MCM3: variants seen among roughly 807,000 people sequenced by gnomAD.
The protein encoded by MCM3 is DNA replication licensing factor MCM3.
Under a neutral mutation model 91.3 loss-of-function variants are expected in MCM3, and 59 were observed. The ratio of observed to expected loss-of-function variants is 0.65; its 90% CI spans 0.52 to 0.80. The LOEUF (loss-of-function observed/expected upper bound fraction) is 0.80. Ranked by LOEUF, MCM3 falls within the 30% of genes least tolerant of loss-of-function variation. MCM3 has a pLI of 0.00. For synonymous variants in MCM3, 383 were observed against 379.6 expected (o/e 1.01, Z -0.10); for missense variants, 919 against 1,035.4 (o/e 0.89, Z 1.54).
At position 52,273,724 on chromosome 6, in the gene MCM3, C is replaced by A; in HGVS notation, c.1549+18G>T. Reference sequence around the variant, plus strand: ...AGCGCCTTTCCATTAGTTACTCTTACTATTCTTATGGCCTCACCATCGCCA... The same window carrying A: ...AGCGCCTTTCCATTAGTTACTCTTAATATTCTTATGGCCTCACCATCGCCA... On this transcript the variant is annotated intron_variant, in intron 10 of 16. Coordinates refer to ENST00000596288, the MANE Select transcript of MCM3 (RefSeq NM_002388.6). 6.3e-7 allele frequency: 1 copy of A among 1,595,184 alleles called. No homozygotes were observed. The highest frequency in any genetic ancestry group is 8.5e-7 in the Non-Finnish European group (1 of 1,169,756).
chr6:52,273,095 T>C, intron 11 of MCM3, 135 bp downstream of exon 11: 1 of 1,007,676 alleles, frequency 9.9e-7, no homozygotes, highest in Non-Finnish European at 1.5e-6. Context: ...AAGAAGAAAA[T>C]TAATCCACGT....
rs1421404202 is a variant in MCM3 at position 52,273,921 on chromosome 6, G to T, written c.1375-5C>A. 8 of 1,602,138 alleles carry T rather than the reference G, an allele frequency of 5.0e-6. No individual in the cohort carries two copies. Among genetic ancestry groups the T allele is most frequent in the Non-Finnish European group, 6.8e-6 (8 of 1,172,566 alleles). ...TGGAGTCTTATACTGGTCATACTGGGGAATGCGAGGACAACAGAAGTGGAC... is the reference window on the plus strand; with the variant it reads ...TGGAGTCTTATACTGGTCATACTGGTGAATGCGAGGACAACAGAAGTGGAC... On this transcript the variant is annotated splice_region_variant and splice_polypyrimidine_tract_variant and intron_variant, in intron 9 of 16. Transcript: ENST00000596288.
chr6:52,277,610 A>G lies in MCM3; in HGVS notation c.958T>C (p.Leu320=). 1.2e-6 allele frequency: 2 copies of G among 1,614,056 alleles called. No homozygotes were observed. Among genetic ancestry groups the G allele is most frequent in the Non-Finnish European group, 1.7e-6 (2 of 1,180,002 alleles). The change falls in exon 7 of 17, where the codon TTG becomes CTG. Residue 320 remains leucine (L), a synonymous_variant. Transcript: ENST00000596288. ...HDYVKKAILC[L]LLGGVERDLE... is the part of the protein sequence containing the mutation. ...TCTCGTTCCACCCCTCCCAAGAGCAAGCAGAGGATTGCTTTCTTGACATAG... is the reference window on the plus strand; with the variant it reads ...TCTCGTTCCACCCCTCCCAAGAGCAGGCAGAGGATTGCTTTCTTGACATAG...
intron 13 of MCM3, 129 bp from the exon 14 acceptor site, chr6:52,268,097 C>A (rs1764793661): frequency 1.6e-6 from 2 of 1,269,750 alleles, no homozygotes; most frequent in Middle Eastern, 2.2e-4. Flanking sequence ...TACCTAGCTC[C>A]TCTTGTCCCT....
At position 52,267,880 on chromosome 6, in the gene MCM3, TC is replaced by T; in HGVS notation, c.2056del (p.Glu686SerfsTer54). 1 of 1,203,642 alleles carries T rather than the reference TC, an allele frequency of 8.3e-7. No homozygotes were observed. Among genetic ancestry groups the T allele is most frequent in the Non-Finnish European group, 1.2e-6 (1 of 818,046 alleles). 74.6% of individuals were successfully genotyped at this position (1,203,642 alleles called of 1,614,324 possible). A position where few individuals can be genotyped will look rare whatever the true frequency, so the allele number is the denominator to read the frequency against. The stretch of plus-strand genomic sequence containing the variant: ...CCCACCTTACCTCTTCCTCTTCTGC[TC>T]CTGGTCCTCTTGGCTTTTCTCCTCT... Reference protein sequence around the residue: ...DEEEKSQEDQEQKRKRRKTRQ... With the variant: ...DEEEKSQEDQXQKRKRRKTRQ... On this transcript the variant is annotated frameshift_variant, in exon 14 of 17. Coordinates refer to ENST00000596288, the MANE Select transcript of MCM3 (RefSeq NM_002388.6). LOFTEE classifies it high-confidence loss of function.
chr6:52,282,929 C>G (rs1483825874), intron 2 of MCM3, 68 bp from the exon 3 acceptor site: 1 of 1,105,220 alleles, frequency 9.0e-7, no homozygotes. Flanking sequence ...CTCAAAACAG[C>G]AGACATTCTT....
intron 6 of MCM3, among the ~76,000 whole-genome samples, chr6:52,278,091 A>G (rs1765750216): frequency 6.6e-6 from 1 of 151,086 alleles, no homozygotes; most frequent in Non-Finnish European, 1.5e-5. Flanking sequence ...AAAAAAAAAA[A>G]AAAAAAGAAA....
chr6:52,279,392 T>C lies in MCM3; in HGVS notation c.739A>G (p.Lys247Glu). The C allele has an allele frequency of 6.2e-7, 1 of 1,614,108 alleles. No individual in the cohort carries two copies. Among genetic ancestry groups the C allele is most frequent in the Non-Finnish European group, 8.5e-7 (1 of 1,180,004 alleles). ...GTCCCAGAGGTGTAGCCTCCCTTCT[T>C]TCCAGGAAGGCAACGGTAGGTTCCC... Reference protein sequence around the residue: ...VVGTYRCLPGKKGGYTSGTFR... With the variant: ...VVGTYRCLPGEKGGYTSGTFR... The change falls in exon 5 of 17, where the codon AAG (lysine) becomes GAG (glutamate). Residue 247 changes from lysine (K) to glutamate (E), a missense_variant. Coordinates refer to ENST00000596288, the MANE Select transcript of MCM3 (RefSeq NM_002388.6).
intron 6 of MCM3, 33 bp from the exon 7 acceptor site, chr6:52,277,721 G>C: frequency 6.2e-7 from 1 of 1,603,350 alleles, no homozygotes; most frequent in African/African-American, 1.3e-5. Flanking sequence ...CAAGCCTAGT[G>C]AGATTCAATG....
intron 16 of MCM3, 66 bp downstream of exon 16, chr6:52,266,009 G>T: frequency 7.0e-7 from 1 of 1,432,948 alleles, no homozygotes; most frequent in South Asian, 1.2e-5. Flanking sequence ...CTCTCCAAGG[G>T]AACAAAGTCC....
At position 52,277,090 on chromosome 6, in the gene MCM3, G is replaced by A; in HGVS notation, c.1142C>T (p.Ala381Val). The A allele has an allele frequency of 6.2e-7, 1 of 1,613,976 alleles. No individual in the cohort carries two copies. The highest frequency in any genetic ancestry group is 1.7e-5 in the Admixed American group (1 of 60,016). ...ACCTGTTTCCTGGTCTGTGGTGACA[G>A]CAGCCGTCAGACCCACTCCAGAGGA... Reference protein sequence around the residue: ...RGSSGVGLTAAVTTDQETGER... With the variant: ...RGSSGVGLTAVVTTDQETGER... Residue 381 changes from alanine (A) to valine (V), a missense_variant, in exon 8 of 17, where the codon GCT becomes GTT. By Grantham distance (64) the Ala-to-Val change is moderately conservative (BLOSUM62 0). Transcript: ENST00000596288.
intron 5 of MCM3, among the ~76,000 whole-genome samples, 184 bp from the exon 6 acceptor site, chr6:52,279,034 T>G (rs1372830834): frequency 1.3e-5 from 2 of 152,204 alleles, no homozygotes; most frequent in Non-Finnish European, 2.9e-5. Context: ...CCAAATATGC[T>G]GATCATGCCC....
intron 9 of MCM3, 77 bp downstream of exon 9, chr6:52,276,191 G>A: frequency 7.4e-7 from 1 of 1,345,882 alleles, no homozygotes; most frequent in Non-Finnish European, 1.0e-6. Context: ...GGGTCACCTA[G>A]AATACACTTC....
At chr6:52,280,545 G>GATACAGCAGACACAGTTAAGTA (rs1765999050) in intron 4 of MCM3, among the ~76,000 whole-genome samples, 1 of 152,232 alleles carries the variant, frequency 6.6e-6, no homozygotes, top group East Asian at 1.9e-4. Flanking sequence ...AAGTAGCAGA[G>GATACAGCAGACACAGTTAAGTA]TCTTGACTTG....
chr6:52,278,070 CAAAAAAAAAAAA>C (rs61625257), intron 6 of MCM3, among the ~76,000 whole-genome samples: 8 of 38,964 alleles, frequency 2.1e-4, no homozygotes, highest in Admixed American at 9.9e-4. Flanking sequence ...TCCGTCTCAC[CAAAAAAAAAAAA>C]AAAAAAAAAA....
In MCM3 at chr6:52,284,738, G is replaced by T. The variant is rs369017216; in HGVS notation, c.-64C>A. On this transcript the variant is annotated 5_prime_UTR_variant, in exon 1 of 17. Transcript: ENST00000596288. ...GAGGTTCCCAGGATGACTCCACCCC[G>T]GCGCGAAAACTTCCGAACTCTTCCC... 35 of 1,551,840 alleles carry T rather than the reference G, an allele frequency of 2.3e-5. 1 individual carries two copies. The highest frequency in any genetic ancestry group is 9.6e-5 in the East Asian group (4 of 41,670).
Position 52,283,302 on chromosome 6 carries a change from C to T in MCM3, c.183G>A (p.Arg61=), listed in dbSNP as rs746776432. The change falls in exon 2 of 17, where the codon AGG becomes AGA. Residue 61 remains arginine (R), a synonymous_variant. Coordinates refer to ENST00000596288, the MANE Select transcript of MCM3 (RefSeq NM_002388.6). Reference sequence around the variant, plus strand: ...ATCCCCTTGCCTCTCACCGGTTAGCCCTCTTCTCGTTTTTCCTGCGCAGGT... The same window carrying T: ...ATCCCCTTGCCTCTCACCGGTTAGCTCTCTTCTCGTTTTTCCTGCGCAGGT... ...VNDLRRKNEK[R]ANRLLNNAFE... is the part of the protein sequence containing the mutation. 6 of 1,613,924 alleles carry T rather than the reference C, an allele frequency of 3.7e-6. No homozygotes were observed. Among genetic ancestry groups the T allele is most frequent in the Non-Finnish European group, 5.1e-6 (6 of 1,179,878 alleles).
chr6:52,282,241 C>T (rs1440868075), intron 3 of MCM3, 66 bp from the exon 4 acceptor site: 3 of 1,451,204 alleles, frequency 2.1e-6, no homozygotes, highest in East Asian at 2.3e-5. Context: ...GGAACCCAAA[C>T]ATATGCAAGC....
In MCM3 at chr6:52,273,885, A is replaced by G. The variant is rs759115826; in HGVS notation, c.1406T>C (p.Ile469Thr). Residue 469 changes from isoleucine (I) to threonine (T), a missense_variant, in exon 10 of 17, where the codon ATT (isoleucine) becomes ACT (threonine). Physicochemically the swap from Ile to Thr is moderately conservative, Grantham distance 89. Around this residue, in one of 3 missense-constraint regions of MCM3, gnomAD observed 233 missense variants for 321.2 expected, o/e 0.73. Transcript: ENST00000596288. ...YDQYKTPMEN[I>T]GLQDSLLSRF... The stretch of plus-strand genomic sequence containing the variant: ...TGACAGCAGTGAGTCCTGTAGCCCA[A>G]TGTTCTCCATTGGAGTCTTATACTG... The G allele has an allele frequency of 6.8e-6, 11 of 1,613,874 alleles. No homozygotes were observed. Among genetic ancestry groups the G allele is most frequent in the South Asian group, 1.1e-5 (1 of 91,054 alleles).
Sources: allele counts gnomAD v4.1 joint callset (sites outside exome capture counted in the v4.1 genomes callset), GRCh38; gene constraint gnomAD v4.1.1; regional missense constraint gnomAD v4.1.1; transcripts MANE v1.5; gene names NCBI Gene and HGNC (gene_info 2026-07-23, HGNC 2026-07-21).